The following MYO10 variants were observed in gnomAD, a reference collection of about 807,000 sequenced individuals.
MYO10 encodes myosin X.
A neutral mutation model predicts 257.3 loss-of-function variants in MYO10; 133 were observed. The observed-to-expected ratio is 0.52, with a 90% confidence interval of 0.45 to 0.60. The LOEUF (loss-of-function observed/expected upper bound fraction) is 0.60. Ranked by LOEUF, MYO10 falls within the 20% of genes least tolerant of loss-of-function variation. MYO10 has a pLI of 0.00. For synonymous variants in MYO10, 1,104 were observed against 1,028.6 expected (o/e 1.07, Z -1.40); for missense variants, 2,399 against 2,635.7 (o/e 0.91, Z 1.97).
In MYO10 at chr5:16,701,314, A is replaced by G. The variant is rs373771819; in HGVS notation, c.3081T>C (p.Asp1027=). 1.7e-5 allele frequency: 28 copies of G among 1,613,728 alleles called. No individual in the cohort carries two copies. Among genetic ancestry groups the G allele is most frequent in the Non-Finnish European group, 2.2e-5 (26 of 1,179,820 alleles). ...TGTATGGGTCCTCCTCTGAAGAGTCATCGCTGGTCCGGATGCCACTTGTTC... is the reference window on the plus strand; with the variant it reads ...TGTATGGGTCCTCCTCTGAAGAGTCGTCGCTGGTCCGGATGCCACTTGTTC... ...DQRTSGIRTS[D]DSSEEDPYMN... The change falls in exon 25 of 41, where the codon GAT becomes GAC. Residue 1027 remains aspartate, a synonymous_variant. Coordinates refer to ENST00000513610, the MANE Select transcript of MYO10 (RefSeq NM_012334.3). The surrounding 1 kb of genome is among the most constrained non-coding windows in gnomAD (Gnocchi z 8.1).
At chr5:16,893,196 C>CAAGAAAAAAAAAA (rs1745115590) in intron 1 of MYO10, among the ~76,000 whole-genome samples, 1 of 69,614 alleles carries the variant, frequency 1.4e-5, no homozygotes, top group Non-Finnish European at 2.7e-5. Context: ...GACTCTGTCT[C>CAAGAAAAAAAAAA]AAAAAAAAAA....
intron 17 of MYO10, among the ~76,000 whole-genome samples, chr5:16,761,051 C>T (rs559444703): frequency 2.8e-4 from 42 of 152,064 alleles, no homozygotes; most frequent in Middle Eastern, 3.4e-3. Context: ...ACTGCAATGG[C>T]GCAATCTTGG....
At chr5:16,666,900 T>A in intron 40 of MYO10, 107 bp from the exon 41 acceptor site, 2 of 809,546 alleles carry the variant, frequency 2.5e-6, no homozygotes, top group Non-Finnish European at 3.9e-6. Context: ...TAGCCTTCCA[T>A]GCTAATCGAC....
chr5:16,812,419 G>C (rs886111428), intron 3 of MYO10, among the ~76,000 whole-genome samples: 13 of 152,170 alleles, frequency 8.5e-5, no homozygotes, highest in Non-Finnish European at 1.9e-4. Flanking sequence ...GACAAGCCTG[G>C]GACAGGAATG....
At position 16,676,163 on chromosome 5, in the gene MYO10, A is replaced by G. The variant is rs77848028; in HGVS notation, c.4543-9T>C. ...GAGTTCAGGCAGTTCTCCTAAAAAT[A>G]AAGCAAGCAAGCTTATTGTAAGAAA... is the stretch of plus-strand genomic sequence containing the variant. On this transcript the variant is annotated splice_polypyrimidine_tract_variant and intron_variant, in intron 33 of 40. Transcript: ENST00000513610. 1.2e-6 allele frequency: 2 copies of G among 1,610,780 alleles called. No individual in the cohort carries two copies. The highest frequency in any genetic ancestry group is 2.7e-5 in the African/African-American group (2 of 74,532).
At chr5:16,711,772 A>G (rs973205057) in intron 19 of MYO10, among the ~76,000 whole-genome samples, 9 of 152,026 alleles carry the variant, frequency 5.9e-5, no homozygotes, top group African/African-American at 1.9e-4. Flanking sequence ...GTCTCAAAAA[A>G]CAAAAAGAAA....
chr5:16,841,560 A>C (rs1171614288), intron 2 of MYO10, among the ~76,000 whole-genome samples: 1 of 152,170 alleles, frequency 6.6e-6, no homozygotes, highest in Non-Finnish European at 1.5e-5. Context: ...CTGGAGATTA[A>C]TGTTCATTTG....
At chr5:16,738,882 C>T (rs1413015577) in intron 19 of MYO10, among the ~76,000 whole-genome samples, 2 of 104,210 alleles carry the variant, frequency 1.9e-5, no homozygotes, top group African/African-American at 4.1e-5. Flanking sequence ...CAAAGGGAGA[C>T]TCCATCTCAA....
rs114312776 is a variant in MYO10 at position 16,687,572 on chromosome 5, G to A, written c.3897-1741C>T. 9.9e-3 allele frequency among the ~76,000 whole-genome samples: 1,499 copies of A among 151,652 alleles called. 20 individuals are homozygous for A. The highest frequency in any genetic ancestry group is 0.034 in the African/African-American group (1,395 of 41,340). On this transcript the variant is annotated intron_variant, in intron 28 of 40. Coordinates refer to ENST00000513610, the MANE Select transcript of MYO10 (RefSeq NM_012334.3). ...GAGGGGAAGTACTTGGTATCCAATGGCATGTTTAAGTTAAAAAAATGACAC... is the reference window on the plus strand; with the variant it reads ...GAGGGGAAGTACTTGGTATCCAATGACATGTTTAAGTTAAAAAAATGACAC...
intron 2 of MYO10, among the ~76,000 whole-genome samples, chr5:16,829,886 T>TACACACAC (rs138178405): frequency 6.0e-5 from 9 of 150,770 alleles, no homozygotes; most frequent in East Asian, 1.9e-4. Flanking sequence ...GAACGGCTAA[T>TACACACAC]ACACACACAC....
chr5:16,821,489 C>T (rs1405700022), intron 2 of MYO10, among the ~76,000 whole-genome samples: 1 of 117,744 alleles, frequency 8.5e-6, no homozygotes, highest in Non-Finnish European at 1.6e-5. Flanking sequence ...TTTTTTGAGA[C>T]GGAGTCTCGC....
At chr5:16,785,416 C>T (rs377319918) in intron 4 of MYO10, among the ~76,000 whole-genome samples, 24 of 152,332 alleles carry the variant, frequency 1.6e-4, no homozygotes, top group Middle Eastern at 6.8e-3. Context: ...TCTATATTGA[C>T]GCGACAGCTG....
chr5:16,679,832 A>G (rs987213190), intron 33 of MYO10, 115 bp downstream of exon 33: 4 of 1,367,338 alleles, frequency 2.9e-6, no homozygotes, highest in Non-Finnish European at 4.0e-6. Flanking sequence ...CCAACCAAGC[A>G]CTAGTTTTGA....
chr5:16,765,172 T>G (rs1162953602), intron 11 of MYO10, among the ~76,000 whole-genome samples: 1 of 152,178 alleles, frequency 6.6e-6, no homozygotes, highest in East Asian at 1.9e-4. Context: ...GGATACAAAG[T>G]ATTAATCCTG....
rs760582259 is a variant in MYO10 at position 16,670,651 on chromosome 5, C to G, written c.5758G>C (p.Ala1920Pro). Residue 1920 changes from alanine (A) to proline (P), a missense_variant, in exon 39 of 41, where the codon GCT becomes CCT. By Grantham distance (27) the Ala-to-Pro change is conservative. Coordinates refer to ENST00000513610, the MANE Select transcript of MYO10 (RefSeq NM_012334.3). ...CACTTGTCAATGATACTGGCTCGAG[C>G]AGAGGAGACTTCTTCCTTAATCCAC... ...DMWIKEEVSSARASIIDKWRK... is the reference protein window; with the variant it reads ...DMWIKEEVSSPRASIIDKWRK... The G allele has an allele frequency of 2.5e-6, 4 of 1,613,866 alleles. No homozygotes were observed. The highest frequency in any genetic ancestry group is 3.4e-6 in the Non-Finnish European group (4 of 1,179,900).
intron 25 of MYO10, among the ~76,000 whole-genome samples, chr5:16,700,043 A>T (rs781764079): frequency 1.3e-5 from 2 of 152,190 alleles, no homozygotes; most frequent in African/African-American, 2.4e-5. Flanking sequence ...GAATTACTAT[A>T]TTAAATATAT....
intron 19 of MYO10, among the ~76,000 whole-genome samples, chr5:16,729,661 G>A (rs1340486884): frequency 6.6e-6 from 1 of 152,046 alleles, no homozygotes; most frequent in Non-Finnish European, 1.5e-5. Flanking sequence ...AGCCAGAATG[G>A]TCTCGATCTC....
chr5:16,693,217 G>A (rs375392846), intron 27 of MYO10, among the ~76,000 whole-genome samples: 7 of 152,242 alleles, frequency 4.6e-5, no homozygotes, highest in East Asian at 1.9e-4. Context: ...GCAGTGAGCC[G>A]AGATCGTGTC....
chr5:16,701,374 G>C lies in MYO10; in HGVS notation c.3021C>G (p.Ser1007=). 6.2e-7 allele frequency: 1 copy of C among 1,613,990 alleles called. No individual in the cohort carries two copies. The highest frequency in any genetic ancestry group is 8.5e-7 in the Non-Finnish European group (1 of 1,179,884). ...FEADDDAFKD[S]PNPSEHGHSD... is the part of the protein sequence containing the mutation. Reference sequence around the variant, plus strand: ...AGTGGCCGTGCTCGCTGGGGTTGGGGGAGTCCTTGAAGGCGTCGTCGTCGG... The same window carrying C: ...AGTGGCCGTGCTCGCTGGGGTTGGGCGAGTCCTTGAAGGCGTCGTCGTCGG... Residue 1007 remains serine (S), a synonymous_variant, in exon 25 of 41, where the codon TCC becomes TCG. Transcript: ENST00000513610. This position sits in a 1 kb window ranked among gnomAD's most constrained non-coding sequence, Gnocchi z 8.1.
Sources: allele counts gnomAD v4.1 joint callset (sites outside exome capture counted in the v4.1 genomes callset), GRCh38; gene constraint gnomAD v4.1.1; non-coding constraint Gnocchi (gnomAD v3.1); transcripts MANE v1.5; gene names NCBI Gene and HGNC (gene_info 2026-07-23, HGNC 2026-07-21).